The following LYRM4 variants were observed in gnomAD, a reference collection of about 807,000 sequenced individuals.
The protein encoded by LYRM4 is LYR motif-containing protein 4.
A neutral mutation model predicts 11.7 loss-of-function variants in LYRM4; 9 were observed. That is an observed-to-expected ratio of 0.77 (90% CI 0.46 to 1.34). The LOEUF is 1.34. Ranked by LOEUF, LYRM4 falls within the 40% of genes most tolerant of loss-of-function variation. The pLI, the probability that LYRM4 is intolerant of heterozygous loss-of-function variation, is 0.00. For synonymous variants in LYRM4, 42 were observed against 40.4 expected, an observed-to-expected ratio of 1.04 and a Z score of -0.15; for missense variants, 133 against 112.5, an observed-to-expected ratio of 1.18 and a Z score of -0.82.
At chr6:5,184,793 C>T (rs1232470217) in intron 2 of LYRM4, among the ~76,000 whole-genome samples, 2 of 152,192 alleles carry the variant, frequency 1.3e-5, no homozygotes, top group African/African-American at 2.4e-5. Context: ...AGTCCCTGAT[C>T]TCCAGGCACT....
chr6:5,149,613 G>C (rs1217470538), intron 2 of LYRM4, among the ~76,000 whole-genome samples: 8 of 152,068 alleles, frequency 5.3e-5, no homozygotes, highest in Middle Eastern at 3.4e-3. Context: ...TATGTCTTCT[G>C]GGGGTGGGGG....
At chr6:5,067,382 G>C in the LYRM4 span, among the ~76,000 whole-genome samples, 2 of 152,224 alleles carry the variant, frequency 1.3e-5, no homozygotes, top group African/African-American at 4.8e-5. Flanking sequence ...GTTGCAGTGA[G>C]TATGTCAGCC....
the LYRM4 span, among the ~76,000 whole-genome samples, chr6:5,058,493 C>T: frequency 6.6e-6 from 1 of 152,212 alleles, no homozygotes; most frequent in African/African-American, 2.4e-5. Context: ...GCTTCTGCAC[C>T]CGCCACACAG....
intron 1 of LYRM4, among the ~76,000 whole-genome samples, chr6:5,239,891 T>A (rs1175571460): frequency 6.6e-6 from 1 of 151,984 alleles, no homozygotes; most frequent in Non-Finnish European, 1.5e-5. Flanking sequence ...ACCACCCCCA[T>A]AGGGAACAGT....
chr6:5,064,394 A>G, the LYRM4 span, among the ~76,000 whole-genome samples: 29 of 152,288 alleles, frequency 1.9e-4, no homozygotes, highest in South Asian at 1.7e-3. Context: ...GAGCAGTTTT[A>G]GGTTTACAGA....
intron 2 of LYRM4, among the ~76,000 whole-genome samples, chr6:5,134,379 A>C (rs569209089): frequency 2.6e-5 from 4 of 152,378 alleles, no homozygotes; most frequent in Non-Finnish European, 5.9e-5. Context: ...AGAAAAAAAG[A>C]TACAGATGGG....
At chr6:5,128,610 C>T (rs750277415) in intron 2 of LYRM4, among the ~76,000 whole-genome samples, 7 of 152,186 alleles carry the variant, frequency 4.6e-5, no homozygotes, top group Admixed American at 6.5e-5. Context: ...GTCACAAATA[C>T]GTGCATTTGG....
the LYRM4 span, chr6:5,086,125 C>T: frequency 1.5e-5 from 22 of 1,474,952 alleles, no homozygotes; most frequent in Admixed American, 2.2e-4. Context: ...CGAGCGTCTG[C>T]AGCGGCAGCG....
At chr6:5,242,764 CTCTT>C (rs1271098317) in intron 1 of LYRM4, among the ~76,000 whole-genome samples, 7 of 140,716 alleles carry the variant, frequency 5.0e-5, no homozygotes, top group East Asian at 2.1e-4. Context: ...AGGATTTCTG[CTCTT>C]TTTTTTTTTT....
chr6:5,090,036 A>ACACACACACACACACACACACAC, the LYRM4 span, among the ~76,000 whole-genome samples: 3 of 147,622 alleles, frequency 2.0e-5, no homozygotes, highest in African/African-American at 7.3e-5. The surrounding 1 kb of genome is among the most constrained non-coding windows in gnomAD (Gnocchi z 4.8). Flanking sequence ...ACACACACAC[A>ACACACACACACACACACACACAC]CACACCACAC....
chr6:5,066,681 T>G, the LYRM4 span: 1 of 998,992 alleles, frequency 1.0e-6, no homozygotes, highest in Non-Finnish European at 1.6e-6. Flanking sequence ...TGGACTGCAC[T>G]GCAGCAATAG....
the LYRM4 span, among the ~76,000 whole-genome samples, chr6:5,081,666 A>C: frequency 6.6e-6 from 1 of 152,240 alleles, no homozygotes; most frequent in Non-Finnish European, 1.5e-5. Context: ...CTGAAATAGA[A>C]AGGCTAAAAC....
At chr6:5,049,672 A>ATTT in the LYRM4 span, among the ~76,000 whole-genome samples, 6 of 143,430 alleles carry the variant, frequency 4.2e-5, no homozygotes, top group African/African-American at 1.5e-4. Flanking sequence ...GGGCAGTGTC[A>ATTT]TTTTTTTTTT....
intron 2 of LYRM4, among the ~76,000 whole-genome samples, chr6:5,195,441 C>T (rs573962357): frequency 2.2e-4 from 34 of 151,528 alleles, no homozygotes; most frequent in African/African-American, 6.3e-4. Context: ...GAAACCCCAT[C>T]TCTACAAAAA....
In LYRM4 at chr6:5,216,656, T is replaced by G; in HGVS notation, c.169A>C (p.Asn57His). Residue 57 changes from asparagine to histidine, a missense_variant, in exon 2 of 3, where the codon AAT (asparagine) becomes CAT (histidine). Coordinates refer to ENST00000330636, the MANE Select transcript of LYRM4 (RefSeq NM_020408.6). ...ACTCCAAGGTCTCTCTTGGCTTTAT[T>G]CACTAGGGTTTGAATTTCTACAGGA... is the stretch of plus-strand genomic sequence containing the variant. ...KDPVEIQTLV[N>H]KAKRDLGVIR... 1.2e-6 allele frequency: 2 copies of G among 1,614,120 alleles called. No individual in the cohort carries two copies. Among genetic ancestry groups the G allele is most frequent in the Middle Eastern group, 3.3e-4 (2 of 6,062 alleles).
chr6:5,165,350 A>C (rs960459968), intron 2 of LYRM4, among the ~76,000 whole-genome samples: 7 of 152,148 alleles, frequency 4.6e-5, no homozygotes, highest in Non-Finnish European at 7.4e-5. Context: ...CAGCAGCTTT[A>C]AGTGTTCCTT....
chr6:5,035,463 G>A, the LYRM4 span, among the ~76,000 whole-genome samples: 21 of 150,274 alleles, frequency 1.4e-4, no homozygotes, highest in African/African-American at 2.4e-4. Context: ...AGCGTGCATC[G>A]CAGCAGCGGG....
At chr6:5,032,165 T>A in the LYRM4 span, 1 of 152,218 alleles carries the variant, frequency 6.6e-6, no homozygotes, top group Non-Finnish European at 1.5e-5. Flanking sequence ...AAGAGCTTCA[T>A]ACGTATTAAT....
chr6:5,209,253 C>T (rs1293518099), intron 2 of LYRM4, among the ~76,000 whole-genome samples: 1 of 152,068 alleles, frequency 6.6e-6, no homozygotes, highest in Non-Finnish European at 1.5e-5. Context: ...GCAACCAAAC[C>T]TGGCTAATTT....
Sources: allele counts gnomAD v4.1 joint callset (sites outside exome capture counted in the v4.1 genomes callset), GRCh38; gene constraint gnomAD v4.1.1; non-coding constraint Gnocchi (gnomAD v3.1); transcripts MANE v1.5; gene names NCBI Gene and HGNC (gene_info 2026-07-23, HGNC 2026-07-21).